The following UNC79 variants were observed in gnomAD, a reference collection of about 807,000 sequenced individuals.
UNC79 encodes unc-79 subunit of NALCN channel complex.
A neutral mutation model predicts 283.1 loss-of-function variants in UNC79; 37 were observed. That is an observed-to-expected ratio of 0.13 (90% CI 0.10 to 0.17). The LOEUF (loss-of-function observed/expected upper bound fraction) is 0.17, where lower values mean the gene tolerates loss of function less well. UNC79 is among the 10% of genes least tolerant of loss of function. UNC79 has a pLI of 1.00. For synonymous variants in UNC79, 1,107 were observed against 1,200.2 expected (o/e 0.92, Z 1.61); for missense variants, 2,272 against 3,211.1 (o/e 0.71, Z 7.07).
chr14:93,505,063 AT>A lies in UNC79; in HGVS notation c.898+7782del, dbSNP rs559556462. Among the ~76,000 whole-genome samples, 3 of 152,160 alleles carry A rather than the reference AT, an allele frequency of 2.0e-5. No homozygotes were observed. The East Asian group carries it at 5.8e-4, about 29-fold the overall frequency. ...TTTCTTTAGGGTTGAACATATGGTCATTTTTGTAAATGTTCCTGTGTAAAGA... is the reference window on the plus strand; with the variant it reads ...TTTCTTTAGGGTTGAACATATGGTCATTTTGTAAATGTTCCTGTGTAAAGA... On this transcript the variant is annotated intron_variant, in intron 7 of 48. Coordinates refer to ENST00000555664, the Ensembl canonical transcript of UNC79.
At chr14:93,347,224 C>G (rs374707354) in intron 1 of UNC79, 1 of 1,545,468 alleles carries the variant, frequency 6.5e-7, no homozygotes, top group Non-Finnish European at 8.7e-7. Flanking sequence ...TTGGCCTCAC[C>G]TCACCTGTGC....
At chr14:93,550,534 A>AG (rs1567095729) in intron 14 of UNC79, among the ~76,000 whole-genome samples, 4 of 13,578 alleles carry the variant, frequency 2.9e-4, no homozygotes, top group African/African-American at 9.0e-4. Context: ...AAAAAAAAAA[A>AG]AAAAAAAGAG....
intron 1 of UNC79, among the ~76,000 whole-genome samples, chr14:93,442,332 G>T (rs1171191882): frequency 2.0e-5 from 3 of 151,986 alleles, no homozygotes; most frequent in African/African-American, 7.2e-5. Context: ...CATGTTGGGT[G>T]TTTTTTGCTT....
At chr14:93,545,443 A>G in intron 14 of UNC79, among the ~76,000 whole-genome samples, 1 of 152,188 alleles carries the variant, frequency 6.6e-6, no homozygotes. Context: ...TCAGGCCAAG[A>G]ACTTGTCACC....
chr14:93,419,843 T>C (rs1318309797), intron 1 of UNC79, among the ~76,000 whole-genome samples: 1 of 151,594 alleles, frequency 6.6e-6, no homozygotes, highest in East Asian at 1.9e-4. Flanking sequence ...GTAAGACGAT[T>C]GCTTGAGGCC....
In UNC79 at chr14:93,582,194, T is replaced by C; in HGVS notation, c.2662-9T>C. ...CTGCTTACCTGGCTGCCTGTCCTGT[T>C]TATTTCAGGAGCCCACAGACAGCCT... On this transcript the variant is annotated splice_polypyrimidine_tract_variant and intron_variant, in intron 19 of 48. Transcript: ENST00000555664. 6.2e-7 allele frequency: 1 copy of C among 1,614,068 alleles called. No individual in the cohort carries two copies. Among genetic ancestry groups the C allele is most frequent in the Non-Finnish European group, 8.5e-7 (1 of 1,179,998 alleles).
At chr14:93,375,837 A>G (rs116979103) in intron 1 of UNC79, among the ~76,000 whole-genome samples, 3,541 of 152,284 alleles carry the variant, frequency 0.023, 55 homozygotes, top group Non-Finnish European at 0.037. Flanking sequence ...CACCTTCAAC[A>G]TTGGGGATTA....
chr14:93,615,636 C>T (rs886362526), intron 27 of UNC79, among the ~76,000 whole-genome samples: 1 of 142,348 alleles, frequency 7.0e-6, no homozygotes, highest in African/African-American at 2.6e-5. Flanking sequence ...GCAGGTGAAT[C>T]GCTGGAACCT....
At chr14:93,557,745 C>T (rs985418094) in intron 14 of UNC79, among the ~76,000 whole-genome samples, 5 of 152,142 alleles carry the variant, frequency 3.3e-5, no homozygotes, top group African/African-American at 1.2e-4. Flanking sequence ...GGGACTCATT[C>T]CCTAAGATGG....
In UNC79 at chr14:93,361,560, T is replaced by A. The variant is rs377058641; in HGVS notation, c.-351+28037T>A. Among the ~76,000 whole-genome samples the A allele has an allele frequency of 1.2e-4, 19 of 152,052 alleles. No individual in the cohort carries two copies. The South Asian group carries it at 3.9e-3, about 32-fold the overall frequency. On this transcript the variant is annotated intron_variant, in intron 1 of 49. Transcript: ENST00000256339. ...GCTACTGGTTTTTATACCCTAAAAC[T>A]TTGCTGAAGTTGTTTCTCAAATCTA...
intron 1 of UNC79, among the ~76,000 whole-genome samples, chr14:93,387,250 T>C (rs1365741523): frequency 6.6e-6 from 1 of 152,166 alleles, no homozygotes; most frequent in African/African-American, 2.4e-5. Context: ...GCCTCTGCTC[T>C]GATCTTTATT....
rs542528574 is a variant in UNC79, at chr14:93,339,550, C to T, written c.-351+6027C>T. Among the ~76,000 whole-genome samples the T allele has an allele frequency of 2.6e-5, 4 of 152,336 alleles. No individual in the cohort carries two copies. The South Asian group carries it at 8.3e-4, about 32-fold the overall frequency. ...TCCTCACCTCGTGATCGACCCGCCT[C>T]ATCCTCCCAAAGTGCTGGGATTACA... On this transcript the variant is annotated intron_variant, in intron 1 of 49. Coordinates refer to the UNC79 transcript ENST00000256339.
chr14:93,601,225 A>G (rs1310406936), intron 25 of UNC79, among the ~76,000 whole-genome samples: 1 of 152,052 alleles, frequency 6.6e-6, no homozygotes, highest in East Asian at 1.9e-4. Flanking sequence ...ATTGTACCCA[A>G]TGTGTAGTCT....
chr14:93,407,247 G>C (rs2055244997), intron 1 of UNC79, among the ~76,000 whole-genome samples: 1 of 152,068 alleles, frequency 6.6e-6, no homozygotes, highest in South Asian at 2.1e-4. Flanking sequence ...ATTTTGGGGG[G>C]ATACTATTCA....
chr14:93,632,582 C>A (rs1235979437), intron 31 of UNC79, among the ~76,000 whole-genome samples: 1 of 151,776 alleles, frequency 6.6e-6, no homozygotes, highest in African/African-American at 2.4e-5. Flanking sequence ...CACCATAGTC[C>A]CAGCTACTGG....
intron 1 of UNC79, among the ~76,000 whole-genome samples, chr14:93,350,551 A>C (rs2053963120): frequency 6.6e-6 from 1 of 152,202 alleles, no homozygotes; most frequent in Admixed American, 6.5e-5. Flanking sequence ...GTAAGTAATT[A>C]AGTTGGTTAT....
rs572410026 is a variant in UNC79 at position 93,596,589 on chromosome 14, C to T, written c.3191-770C>T. Among the ~76,000 whole-genome samples the T allele has an allele frequency of 2.3e-3, 354 of 152,272 alleles. 3 individuals are homozygous for T. Among genetic ancestry groups the T allele is most frequent in the African/African-American group, 8.1e-3 (338 of 41,560 alleles). On this transcript the variant is annotated intron_variant, in intron 23 of 48. Coordinates refer to ENST00000555664, the Ensembl canonical transcript of UNC79. ...GATGGAGGTTGCAGTGAGCTGAAAT[C>T]GTGCCACTGCACTCCAGCCTGGGCA...
chr14:93,586,941 T>C (rs1439182582), intron 22 of UNC79, 33 bp downstream of exon 22: 1 of 1,602,250 alleles, frequency 6.2e-7, no homozygotes. Context: ...TTTGATTGTT[T>C]ATACATTAGG....
intron 26 of UNC79, among the ~76,000 whole-genome samples, chr14:93,605,638 ACC>A (rs2065830178): frequency 6.6e-6 from 1 of 152,184 alleles, no homozygotes; most frequent in African/African-American, 2.4e-5. Flanking sequence ...GGTAACTCCC[ACC>A]TATGTATCAT....
Sources: gnomAD v4.1 joint callset for allele counts (sites outside exome capture counted in the v4.1 genomes callset) on GRCh38, gnomAD v4.1.1 for gene constraint, MANE v1.5 for transcripts, NCBI Gene and HGNC (gene_info 2026-07-23, HGNC 2026-07-21) for gene names.